The following SLC24A3 variants were observed in gnomAD, a reference collection of about 807,000 sequenced individuals.
SLC24A3 encodes the protein solute carrier family 24 member 3, also known as sodium/potassium/calcium exchanger 3.
SLC24A3 carries 28 observed loss-of-function variants against 75.8 expected under a neutral mutation model. That is an observed-to-expected ratio of 0.37 (90% CI 0.27 to 0.51). The LOEUF is 0.51. Among genes scored for constraint, SLC24A3 ranks in the 20% least tolerant of loss-of-function variants. The pLI is 0.94. For synonymous variants in SLC24A3, 372 were observed against 334.1 expected, an observed-to-expected ratio of 1.11 and a Z score of -1.24; for missense variants, 663 against 847.8, an observed-to-expected ratio of 0.78 and a Z score of 2.71.
chr20:19,645,662 C>A (rs1208917192), intron 6 of SLC24A3, among the ~76,000 whole-genome samples: 1 of 152,084 alleles, frequency 6.6e-6, no homozygotes, highest in Non-Finnish European at 1.5e-5. Context: ...ATGTTGTGGA[C>A]ATCCCCCCTA....
chr20:19,336,844 C>T (rs1985147615), intron 2 of SLC24A3, among the ~76,000 whole-genome samples: 1 of 152,088 alleles, frequency 6.6e-6, no homozygotes, highest in South Asian at 2.1e-4. Context: ...GGCCTTACTA[C>T]TTACAAAACT....
intron 6 of SLC24A3, among the ~76,000 whole-genome samples, chr20:19,588,773 C>T (rs1229724963): frequency 6.6e-6 from 1 of 152,208 alleles, no homozygotes; most frequent in Non-Finnish European, 1.5e-5. Context: ...TTTTGTAAAA[C>T]AATGTACTTG....
At chr20:19,284,003 C>T (rs1983738645) in intron 2 of SLC24A3, 1 of 152,622 alleles carries the variant, frequency 6.6e-6, no homozygotes, top group Non-Finnish European at 1.5e-5. Context: ...GGCTTCAGTA[C>T]CATCTTCCCA....
intron 2 of SLC24A3, among the ~76,000 whole-genome samples, chr20:19,369,963 C>T (rs577433767): frequency 1.7e-4 from 26 of 152,214 alleles, no homozygotes; most frequent in Admixed American, 9.8e-4. Context: ...CCACTGCACC[C>T]GACTGAAATG....
intron 2 of SLC24A3, among the ~76,000 whole-genome samples, chr20:19,295,612 C>T (rs1244395399): frequency 6.6e-6 from 1 of 152,152 alleles, no homozygotes; most frequent in African/African-American, 2.4e-5. Context: ...TTGAGATAAT[C>T]ATGTGGTTTC....
chr20:19,470,005 G>T (rs1012983314), intron 2 of SLC24A3, among the ~76,000 whole-genome samples: 5 of 152,076 alleles, frequency 3.3e-5, no homozygotes, highest in Non-Finnish European at 5.9e-5. Flanking sequence ...GTTCAGCCAG[G>T]GACCCTTGCT....
chr20:19,377,744 T>A (rs1248268721), intron 2 of SLC24A3, among the ~76,000 whole-genome samples: 1 of 152,202 alleles, frequency 6.6e-6, no homozygotes, highest in Non-Finnish European at 1.5e-5. Context: ...TTTCAAAAGG[T>A]GATAAGGATT....
At chr20:19,396,216 C>T (rs1239716614) in intron 2 of SLC24A3, among the ~76,000 whole-genome samples, 3 of 152,168 alleles carry the variant, frequency 2.0e-5, no homozygotes, top group Non-Finnish European at 4.4e-5. Flanking sequence ...AATTGGTGCA[C>T]TTTGAAATAG....
intron 3 of SLC24A3, among the ~76,000 whole-genome samples, chr20:19,544,257 A>G (rs945356290): frequency 6.6e-6 from 1 of 152,212 alleles, no homozygotes; most frequent in African/African-American, 2.4e-5. Flanking sequence ...CAGGAGCAAC[A>G]CTACAGAAAT....
chr20:19,682,063 G>A, intron 10 of SLC24A3, 72 bp downstream of exon 10: 3 of 1,508,388 alleles, frequency 2.0e-6, no homozygotes, highest in African/African-American at 1.4e-5. Flanking sequence ...GACCAGCCTG[G>A]CCAACATGGC....
chr20:19,721,133 A>T lies in SLC24A3; in HGVS notation c.1928A>T (p.Asp643Val). 6.2e-7 allele frequency: 1 copy of T among 1,613,750 alleles called. No homozygotes were observed. Among genetic ancestry groups the T allele is most frequent in the African/African-American group, 1.3e-5 (1 of 74,918 alleles). Reference sequence around the variant, plus strand: ...TTTGTGAACCTGCCCATGTGCGGGGACCACTGAGCCGCCGGGTGCCCACAG... The same window carrying T: ...TTTGTGAACCTGCCCATGTGCGGGGTCCACTGAGCCGCCGGGTGCCCACAG... Reference protein sequence around the residue: ...FTFVNLPMCGDH With the variant: ...FTFVNLPMCGVH The change falls in exon 17 of 17, where the codon GAC (aspartate) becomes GTC (valine). Residue 643 changes from aspartate (D) to valine (V), a missense_variant. Physicochemically the swap from Asp to Val is radical, Grantham distance 152 (BLOSUM62 -3). Coordinates refer to ENST00000328041, the MANE Select transcript of SLC24A3 (RefSeq NM_020689.4).
chr20:19,677,529 T>G (rs2032538981), intron 9 of SLC24A3, among the ~76,000 whole-genome samples: 1 of 151,900 alleles, frequency 6.6e-6, no homozygotes, highest in South Asian at 2.1e-4. Flanking sequence ...CCAGCAACCA[T>G]CAACCCACAG....
chr20:19,336,520 G>A (rs1985139032), intron 2 of SLC24A3, among the ~76,000 whole-genome samples: 1 of 152,136 alleles, frequency 6.6e-6, no homozygotes, highest in Non-Finnish European at 1.5e-5. Flanking sequence ...TGAGTAGCTG[G>A]AATTACAGGC....
At chr20:19,258,888 A>ACTTAAGCAAATTGCATTCAGGCC (rs1181003143) in intron 1 of SLC24A3, among the ~76,000 whole-genome samples, 1 of 152,198 alleles carries the variant, frequency 6.6e-6, no homozygotes, top group East Asian at 1.9e-4. Flanking sequence ...TTTGTGAGAC[A>ACTTAAGCAAATTGCATTCAGGCC]CTTAAGCAAA....
chr20:19,707,845 G>A (rs577833421), intron 15 of SLC24A3, among the ~76,000 whole-genome samples: 11 of 152,282 alleles, frequency 7.2e-5, no homozygotes, highest in East Asian at 3.9e-4. Flanking sequence ...ATATGTTTGC[G>A]GGTCACCTGA....
At chr20:19,632,409 C>T (rs1166236215) in intron 6 of SLC24A3, among the ~76,000 whole-genome samples, 1 of 152,124 alleles carries the variant, frequency 6.6e-6, no homozygotes, top group Non-Finnish European at 1.5e-5. Flanking sequence ...CTAGCGGCCA[C>T]CTACCTTCCT....
intron 4 of SLC24A3, among the ~76,000 whole-genome samples, chr20:19,581,832 T>C (rs768507683): frequency 1.3e-5 from 2 of 152,322 alleles, no homozygotes; most frequent in African/African-American, 2.4e-5. Context: ...GAGACGAGCC[T>C]GGACCAGGTC....
intron 2 of SLC24A3, among the ~76,000 whole-genome samples, chr20:19,310,429 A>C (rs1334434027): frequency 6.6e-6 from 1 of 152,186 alleles, no homozygotes; most frequent in African/African-American, 2.4e-5. Context: ...TTCCATTTTT[A>C]AACCTGGTGT....
intron 2 of SLC24A3, among the ~76,000 whole-genome samples, chr20:19,463,587 C>T (rs545611471): frequency 6.6e-6 from 1 of 152,288 alleles, no homozygotes; most frequent in South Asian, 2.1e-4. Context: ...GGTCATGGGC[C>T]ATCAGTCAGT....
Sources: gnomAD v4.1 joint callset for allele counts (sites outside exome capture counted in the v4.1 genomes callset) on GRCh38, gnomAD v4.1.1 for gene constraint, MANE v1.5 for transcripts, NCBI Gene and HGNC (gene_info 2026-07-23, HGNC 2026-07-21) for gene names.